NEGR1: variants seen among roughly 807,000 people sequenced by gnomAD.
NEGR1 encodes the protein neuronal growth regulator 1.
In NEGR1, 10 loss-of-function variants were observed where a neutral mutation model predicts 40.9. The ratio of observed to expected loss-of-function variants is 0.24; its 90% CI spans 0.15 to 0.42. NEGR1 has a LOEUF of 0.42. Among genes scored for constraint, NEGR1 ranks in the 10% least tolerant of loss-of-function variants. NEGR1 has a pLI of 1.00. For missense variants in NEGR1, 352 were observed against 438.9 expected (o/e 0.80, Z 1.77); for synonymous variants, 185 against 166.8 (o/e 1.11, Z -0.84).
At chr1:71,610,919 T>A in intron 5 of NEGR1, 107 bp downstream of exon 5, 1 of 1,166,290 alleles carries the variant, frequency 8.6e-7, no homozygotes, top group Non-Finnish European at 1.2e-6. Context: ...AGGAGGCTGC[T>A]GAGAATCATT....
intron 6 of NEGR1, among the ~76,000 whole-genome samples, chr1:71,507,794 G>C (rs1647045483): frequency 2.0e-5 from 3 of 152,150 alleles, no homozygotes; most frequent in Admixed American, 2.0e-4. Flanking sequence ...TTACAAATTA[G>C]ATGGAATTAT....
intron 2 of NEGR1, among the ~76,000 whole-genome samples, chr1:71,781,386 G>A (rs1313434241): frequency 1.3e-5 from 2 of 152,140 alleles, no homozygotes; most frequent in Admixed American, 1.3e-4. Context: ...TACAGGATGC[G>A]TCTGACAGTT....
intron 1 of NEGR1, among the ~76,000 whole-genome samples, chr1:72,258,371 A>G (rs1234051637): frequency 6.6e-6 from 1 of 152,146 alleles, no homozygotes; most frequent in Non-Finnish European, 1.5e-5. Context: ...TTAGAGGTAC[A>G]TGATTGTCGT....
intron 6 of NEGR1, among the ~76,000 whole-genome samples, chr1:71,553,969 C>G (rs545441871): frequency 6.6e-6 from 1 of 151,504 alleles, no homozygotes; most frequent in Non-Finnish European, 1.5e-5. Context: ...TTAATAGTAA[C>G]TTAGGCTTAC....
At chr1:71,966,039 A>T (rs560824143) in intron 1 of NEGR1, among the ~76,000 whole-genome samples, 1 of 152,328 alleles carries the variant, frequency 6.6e-6, no homozygotes, top group African/African-American at 2.4e-5. Context: ...ACATTGATGT[A>T]GAATGTTAAT....
intron 1 of NEGR1, among the ~76,000 whole-genome samples, chr1:71,940,885 A>G (rs1275863477): frequency 6.6e-6 from 1 of 152,282 alleles, no homozygotes; most frequent in East Asian, 1.9e-4. Context: ...TATATCTCAA[A>G]TTCTTTGTTG....
chr1:71,922,521 A>T (rs1645730705), intron 2 of NEGR1, among the ~76,000 whole-genome samples: 1 of 152,166 alleles, frequency 6.6e-6, no homozygotes, highest in African/African-American at 2.4e-5. Flanking sequence ...CATTGGTATA[A>T]ATTTGTTATA....
At chr1:72,269,929 C>T (rs895604084) in intron 1 of NEGR1, among the ~76,000 whole-genome samples, 3 of 151,686 alleles carry the variant, frequency 2.0e-5, no homozygotes, top group African/African-American at 2.4e-5. Flanking sequence ...CATACTTTCT[C>T]GATGTTTTTA....
intron 4 of NEGR1, among the ~76,000 whole-genome samples, chr1:71,645,263 A>C (rs1343701644): frequency 1.3e-5 from 2 of 152,066 alleles, no homozygotes; most frequent in Non-Finnish European, 2.9e-5. Context: ...AGTGCTTTGC[A>C]CATAGTATGC....
chr1:71,681,064 T>G (rs953880530), intron 4 of NEGR1, among the ~76,000 whole-genome samples: 2 of 152,232 alleles, frequency 1.3e-5, no homozygotes, highest in African/African-American at 4.8e-5. Flanking sequence ...TTCAGACTAA[T>G]TTAAAAGCAC....
chr1:71,409,634 A>G (rs776263325), intron 6 of NEGR1, among the ~76,000 whole-genome samples: 18 of 152,156 alleles, frequency 1.2e-4, no homozygotes, highest in Non-Finnish European at 2.1e-4. Flanking sequence ...ATCACACTGC[A>G]TTGCAAATAT....
At chr1:71,689,253 G>GTGGCT (rs1332490101) in intron 4 of NEGR1, among the ~76,000 whole-genome samples, 2 of 152,172 alleles carry the variant, frequency 1.3e-5, no homozygotes, top group African/African-American at 4.8e-5. Context: ...AAGCCAAACA[G>GTGGCT]TGGCTTTATA....
intron 1 of NEGR1, among the ~76,000 whole-genome samples, chr1:71,961,984 T>C (rs1262928399): frequency 6.6e-6 from 1 of 152,108 alleles, no homozygotes; most frequent in Admixed American, 6.6e-5. Context: ...GTTTGGGGGC[T>C]ACATTAAGAG....
intron 1 of NEGR1, among the ~76,000 whole-genome samples, chr1:72,001,938 A>C (rs931497261): frequency 2.6e-5 from 4 of 152,024 alleles, no homozygotes; most frequent in African/African-American, 9.7e-5. Context: ...CCCTGCAAAA[A>C]ATCAACCTGA....
chr1:72,206,526 T>A (rs986663575), intron 1 of NEGR1, among the ~76,000 whole-genome samples: 1 of 152,134 alleles, frequency 6.6e-6, no homozygotes, highest in Non-Finnish European at 1.5e-5. Context: ...AATGGCCACT[T>A]CTTCCAATGA....
intron 5 of NEGR1, 143 bp downstream of exon 5, chr1:71,610,883 G>T: frequency 1.4e-6 from 1 of 710,390 alleles, no homozygotes; most frequent in African/African-American, 1.7e-5. Flanking sequence ...CCTCCCACGT[G>T]GGCCCCTTCA....
intron 6 of NEGR1, among the ~76,000 whole-genome samples, chr1:71,494,728 T>A (rs138286326): frequency 6.6e-6 from 1 of 152,250 alleles, no homozygotes; most frequent in East Asian, 1.9e-4. Flanking sequence ...ATTGCATTGT[T>A]GGTCAAACTC....
At chr1:72,055,060 C>T (rs1647098001) in intron 1 of NEGR1, among the ~76,000 whole-genome samples, 1 of 151,136 alleles carries the variant, frequency 6.6e-6, no homozygotes, top group South Asian at 2.1e-4. Context: ...CAAGTTAACA[C>T]ATTCAATAGG....
At chr1:71,437,737 C>A (rs1646519088) in intron 6 of NEGR1, among the ~76,000 whole-genome samples, 1 of 152,056 alleles carries the variant, frequency 6.6e-6, no homozygotes, top group South Asian at 2.1e-4. Flanking sequence ...ATTGACTTCA[C>A]CATGAAAATT....
Sources: gnomAD v4.1 joint callset for allele counts (sites outside exome capture counted in the v4.1 genomes callset) on GRCh38, gnomAD v4.1.1 for gene constraint, MANE v1.5 for transcripts, NCBI Gene and HGNC (gene_info 2026-07-23, HGNC 2026-07-21) for gene names.